Variants in EMP2 observed in about 807,000 individuals in gnomAD.
EMP2 encodes epithelial membrane protein 2.
EMP2 carries 19 observed loss-of-function variants against 13.7 expected under a neutral mutation model. That is an observed-to-expected ratio of 1.38 (90% confidence interval 0.97 to 2.03). The LOEUF (loss-of-function observed/expected upper bound fraction) is 2.03, where lower values mean the gene tolerates loss of function less well. EMP2 is among the 30% of genes most tolerant of loss of function. The pLI, the probability that EMP2 is intolerant of heterozygous loss-of-function variation, is 0.00. For synonymous variants in EMP2, 97 were observed against 84.7 expected (o/e 1.15, Z -0.80); for missense variants, 253 against 220.7 (o/e 1.15, Z -0.93).
intron 1 of EMP2, among the ~76,000 whole-genome samples, chr16:10,552,089 T>TATG (rs1454737680): frequency 1.3e-5 from 2 of 151,738 alleles, no homozygotes; most frequent in Non-Finnish European, 2.9e-5. Flanking sequence ...GCTGCCACCA[T>TATG]ATGCTGCTGC....
chr16:10,561,142 G>A (rs1402122000), intron 1 of EMP2, among the ~76,000 whole-genome samples: 3 of 152,126 alleles, frequency 2.0e-5, no homozygotes, highest in African/African-American at 4.8e-5. Context: ...GCTTCCAGAA[G>A]CAGAAGCAAC....
chr16:10,562,368 CTCTCTCTCTCTCTATCTA>C (rs1567208421), intron 1 of EMP2, among the ~76,000 whole-genome samples: 7 of 146,068 alleles, frequency 4.8e-5, no homozygotes, highest in African/African-American at 7.7e-5. Context: ...CTCTCTCTCT[CTCTCTCTCTCTCTATCTA>C]TCTCTCTCTC....
chr16:10,563,151 C>A (rs925918954), intron 1 of EMP2, among the ~76,000 whole-genome samples: 12 of 151,866 alleles, frequency 7.9e-5, no homozygotes, highest in Non-Finnish European at 1.8e-4. Context: ...TCCCCAGGCC[C>A]ATCAGTCACT....
At chr16:10,564,840 C>T (rs1370396987) in intron 1 of EMP2, among the ~76,000 whole-genome samples, 4 of 152,146 alleles carry the variant, frequency 2.6e-5, no homozygotes, top group Non-Finnish European at 4.4e-5. Context: ...ACGCTTATGT[C>T]GACATTTCCC....
At chr16:10,540,642 A>G (rs1487307044) in intron 3 of EMP2, among the ~76,000 whole-genome samples, 1 of 152,178 alleles carries the variant, frequency 6.6e-6, no homozygotes, top group Non-Finnish European at 1.5e-5. Flanking sequence ...GTTTTTTAAC[A>G]TGAAAAGGAC....
intron 1 of EMP2, among the ~76,000 whole-genome samples, chr16:10,560,504 T>C (rs548054463): frequency 6.6e-6 from 1 of 152,310 alleles, no homozygotes; most frequent in South Asian, 2.1e-4. Context: ...CCGATCACTG[T>C]CCCCTTGCCC....
chr16:10,559,276 G>GC (rs2050855623), intron 1 of EMP2: 1 of 152,468 alleles, frequency 6.6e-6, no homozygotes, highest in Non-Finnish European at 1.5e-5. Flanking sequence ...GGTCAGCCCA[G>GC]CCTCCTGCCC....
chr16:10,573,426 A>G (rs980692963), intron 1 of EMP2, among the ~76,000 whole-genome samples: 1 of 152,188 alleles, frequency 6.6e-6, no homozygotes. Context: ...TGATGTTCCA[A>G]GGGGGATGCT....
rs571661342 is a variant in EMP2, at chr16:10,538,644, T to C, written c.170-570A>G. On this transcript the variant is annotated intron_variant, in intron 3 of 4. Coordinates refer to ENST00000359543, the MANE Select transcript of EMP2 (RefSeq NM_001424.6). ...TTAACAGAGACTGGGGTATGAAGGTTTGGGGCTCAGTACAGAGAAGTTTCA... is the reference window on the plus strand; with the variant it reads ...TTAACAGAGACTGGGGTATGAAGGTCTGGGGCTCAGTACAGAGAAGTTTCA... Among the ~76,000 whole-genome samples the C allele has an allele frequency of 3.9e-5, 6 of 152,124 alleles. 1 individual carries two copies. The South Asian group carries it at 6.3e-4, about 16-fold the overall frequency.
chr16:10,564,993 A>G (rs1286196548), intron 1 of EMP2, among the ~76,000 whole-genome samples: 3 of 152,230 alleles, frequency 2.0e-5, no homozygotes, highest in Non-Finnish European at 4.4e-5. Context: ...CAATGAAAAC[A>G]AAACATTGTT....
At chr16:10,534,698 G>GGAGGTTGCAGCGAGCC (rs1270740353) in intron 4 of EMP2, among the ~76,000 whole-genome samples, 5 of 152,042 alleles carry the variant, frequency 3.3e-5, no homozygotes, top group African/African-American at 1.2e-4. Flanking sequence ...CCCGGAAGGC[G>GGAGGTTGCAGCGAGCC]GAGGTTGCAG....
chr16:10,542,327 G>A (rs2050706427), intron 3 of EMP2, among the ~76,000 whole-genome samples: 1 of 152,144 alleles, frequency 6.6e-6, no homozygotes, highest in Non-Finnish European at 1.5e-5. Flanking sequence ...GAGCCCGGGA[G>A]GTCAAGGCTG....
rs557282999 is a variant in EMP2, at chr16:10,557,576, T to C, written c.-60-9899A>G. 2.0e-5 allele frequency among the ~76,000 whole-genome samples: 3 copies of C among 152,262 alleles called. No individual in the cohort carries two copies. The East Asian group carries it at 5.8e-4, about 29-fold the overall frequency. Reference sequence around the variant, plus strand: ...TGGTAGAATGGGTTCAATTCTCTTTTCAAAATTAACTTCTAAATGAATCAC... The same window carrying C: ...TGGTAGAATGGGTTCAATTCTCTTTCCAAAATTAACTTCTAAATGAATCAC... On this transcript the variant is annotated intron_variant, in intron 1 of 4. Transcript: ENST00000359543.
chr16:10,571,255 CAAAAAAAAAAAAAAAAAAA>C (rs58665715), intron 1 of EMP2, among the ~76,000 whole-genome samples: 8 of 33,420 alleles, frequency 2.4e-4, no homozygotes, highest in Admixed American at 1.0e-3. Flanking sequence ...GACTCCGTCT[CAAAAAAAAAAAAAAAAAAA>C]AAAAAAAAAG....
intron 3 of EMP2, among the ~76,000 whole-genome samples, chr16:10,540,374 C>T (rs530638865): frequency 2.6e-4 from 39 of 152,196 alleles, no homozygotes; most frequent in African/African-American, 9.2e-4. Context: ...GGTGTGGTGG[C>T]ACACACCTGT....
chr16:10,565,446 C>T (rs1221038937), intron 1 of EMP2, among the ~76,000 whole-genome samples: 1 of 152,218 alleles, frequency 6.6e-6, no homozygotes, highest in Non-Finnish European at 1.5e-5. Flanking sequence ...GACCTTCAGA[C>T]TTGAACTACA....
At chr16:10,555,248 G>A (rs1054416278) in intron 1 of EMP2, among the ~76,000 whole-genome samples, 2 of 152,160 alleles carry the variant, frequency 1.3e-5, no homozygotes, top group African/African-American at 2.4e-5. Context: ...AGGAGTCAGT[G>A]ATGTTCCCCA....
chr16:10,539,479 G>A (rs2050677579), intron 3 of EMP2, among the ~76,000 whole-genome samples: 1 of 152,122 alleles, frequency 6.6e-6, no homozygotes, highest in African/African-American at 2.4e-5. Context: ...CCATTCCCAT[G>A]AGGCCCAGGA....
chr16:10,562,128 G>T (rs1343970468), intron 1 of EMP2, among the ~76,000 whole-genome samples: 16 of 152,060 alleles, frequency 1.1e-4, no homozygotes. Context: ...AGAAAGGAAA[G>T]ACAGACCAAT....
Sources: allele counts gnomAD v4.1 joint callset (sites outside exome capture counted in the v4.1 genomes callset), GRCh38; gene constraint gnomAD v4.1.1; transcripts MANE v1.5; gene names NCBI Gene and HGNC (gene_info 2026-07-23, HGNC 2026-07-21).